Variants in GPC3 observed in about 807,000 individuals in gnomAD.
GPC3 encodes glypican-3.
A neutral mutation model predicts 34.4 loss-of-function variants in GPC3; 3 were observed. The ratio of observed to expected loss-of-function variants is 0.09; its 90% CI spans 0.04 to 0.23. GPC3 has a LOEUF of 0.23. GPC3 is among the 10% of genes least tolerant of loss of function. GPC3 has a pLI of 1.00. For synonymous variants in GPC3, 177 were observed against 174.0 expected (o/e 1.02, Z -0.13); for missense variants, 351 against 445.6 (o/e 0.79, Z 1.91).
At chrX:133,835,654 T>C (rs2075796239) in intron 2 of GPC3, among the ~76,000 whole-genome samples, 1 of 111,982 alleles carries the variant, frequency 8.9e-6, no homozygotes, top group African/African-American at 3.2e-5. Flanking sequence ...TTTTGATAAG[T>C]AAAAGGGGCA....
At chrX:133,873,897 A>G (rs1201927229) in intron 2 of GPC3, among the ~76,000 whole-genome samples, 1 of 111,704 alleles carries the variant, frequency 9.0e-6, no homozygotes, top group Non-Finnish European at 1.9e-5. Flanking sequence ...ACAGGGTTCA[A>G]TGTGATGATA....
chrX:133,773,754 G>A (rs1056979093), intron 2 of GPC3, among the ~76,000 whole-genome samples: 1 of 111,666 alleles, frequency 9.0e-6, no homozygotes, highest in African/African-American at 3.3e-5. Flanking sequence ...CATTCTTTCA[G>A]TCCTTTATCT....
intron 6 of GPC3, among the ~76,000 whole-genome samples, chrX:133,640,122 C>A (rs2070466697): frequency 8.9e-6 from 1 of 111,769 alleles, no homozygotes; most frequent in South Asian, 3.8e-4. Context: ...ACATGTTTGC[C>A]AATATTTCCT....
chrX:133,665,383 CACA>C (rs1339199639), intron 5 of GPC3, among the ~76,000 whole-genome samples: 1 of 111,662 alleles, frequency 9.0e-6, no homozygotes, highest in Non-Finnish European at 1.9e-5. Context: ...CTAAAAATTT[CACA>C]ACTTCAGAAC....
chrX:133,651,576 T>C (rs1001359746), intron 6 of GPC3, among the ~76,000 whole-genome samples: 2 of 111,716 alleles, frequency 1.8e-5, no homozygotes, highest in African/African-American at 6.5e-5. Context: ...TTTTCTCCTG[T>C]CATTGCAGCC....
At chrX:133,732,835 C>T (rs747450777) in intron 3 of GPC3, among the ~76,000 whole-genome samples, 1 of 111,494 alleles carries the variant, frequency 9.0e-6, no homozygotes, top group Non-Finnish European at 1.9e-5. Context: ...CAATCCACTA[C>T]AGAACCTTGG....
intron 6 of GPC3, among the ~76,000 whole-genome samples, chrX:133,605,262 A>G (rs1460865278): frequency 9.0e-6 from 1 of 111,272 alleles, no homozygotes; most frequent in Non-Finnish European, 1.9e-5. Context: ...CCTACTTACT[A>G]GCTGTGTGAC....
chrX:133,932,432 C>T (rs2076302624), intron 2 of GPC3, among the ~76,000 whole-genome samples: 1 of 111,675 alleles, frequency 9.0e-6, no homozygotes, highest in African/African-American at 3.3e-5. Flanking sequence ...ACATGGGAGG[C>T]AACATGTAAA....
At chrX:133,691,344 CAA>C (rs937281217) in intron 5 of GPC3, among the ~76,000 whole-genome samples, 1 of 109,861 alleles carries the variant, frequency 9.1e-6, no homozygotes, top group African/African-American at 3.3e-5. Context: ...ACTAAAAATA[CAA>C]AAGTTAGCCA....
chrX:133,606,397 G>T (rs975618684), intron 6 of GPC3, among the ~76,000 whole-genome samples: 7 of 111,591 alleles, frequency 6.3e-5, no homozygotes, highest in African/African-American at 2.3e-4. Flanking sequence ...TCCTTTACTA[G>T]CCTTGTTACT....
chrX:133,623,061 G>A (rs1345582982), intron 6 of GPC3, among the ~76,000 whole-genome samples: 1 of 111,838 alleles, frequency 8.9e-6, no homozygotes, highest in Non-Finnish European at 1.9e-5. Flanking sequence ...GCCAAACTAA[G>A]CTTCATCAGT....
intron 2 of GPC3, among the ~76,000 whole-genome samples, chrX:133,875,278 T>C (rs983496088): frequency 8.9e-6 from 1 of 111,966 alleles, no homozygotes; most frequent in African/African-American, 3.2e-5. Flanking sequence ...TTGGACACCC[T>C]GAAGGGTTAT....
intron 2 of GPC3, among the ~76,000 whole-genome samples, chrX:133,790,416 T>C (rs1478384173): frequency 9.1e-6 from 1 of 109,472 alleles, no homozygotes; most frequent in African/African-American, 3.3e-5. Flanking sequence ...ATTATATTCA[T>C]CACATTTCAT....
At chrX:133,707,660 T>C (rs191078614) in intron 3 of GPC3, among the ~76,000 whole-genome samples, 104 of 111,373 alleles carry the variant, frequency 9.3e-4, no homozygotes, top group Non-Finnish European at 1.5e-3. Flanking sequence ...ATGGAAAGCA[T>C]AGGCAGTTAT....
intron 2 of GPC3, among the ~76,000 whole-genome samples, chrX:133,771,984 T>C (rs866897667): frequency 1.1e-4 from 12 of 111,619 alleles, no homozygotes; most frequent in African/African-American, 2.9e-4. Context: ...GGTTTTACTA[T>C]AGAACAAGAC....
chrX:133,565,028 T>TGTC (rs2069570659), intron 7 of GPC3, among the ~76,000 whole-genome samples: 1 of 112,090 alleles, frequency 8.9e-6, no homozygotes, highest in African/African-American at 3.2e-5. Flanking sequence ...ACTATGAAAA[T>TGTC]ATCAGGCAGC....
chrX:133,548,057 T>TA (rs373777937), intron 7 of GPC3, among the ~76,000 whole-genome samples: 248 of 110,335 alleles, frequency 2.2e-3, no homozygotes, highest in Non-Finnish European at 3.2e-3. Flanking sequence ...CTGAAACTGT[T>TA]AAAAAAAAAG....
intron 1 of GPC3, among the ~76,000 whole-genome samples, chrX:133,964,769 C>CA: frequency 8.9e-6 from 1 of 111,854 alleles, no homozygotes; most frequent in East Asian, 2.8e-4. Context: ...CTCATTGTTT[C>CA]AGACCTCTTT....
chrX:133,743,299 T>G (rs2071580996), intron 3 of GPC3, among the ~76,000 whole-genome samples: 1 of 112,933 alleles, frequency 8.9e-6, no homozygotes, highest in Non-Finnish European at 1.9e-5. Context: ...CAGCAAGTAT[T>G]AAAATTGCCA....
Sources: gnomAD v4.1 joint callset for allele counts (sites outside exome capture counted in the v4.1 genomes callset) on GRCh38, gnomAD v4.1.1 for gene constraint, MANE v1.5 for transcripts, NCBI Gene and HGNC (gene_info 2026-07-23, HGNC 2026-07-21) for gene names.